The following NRXN3 variants were observed in gnomAD, a reference collection of about 807,000 sequenced individuals.
NRXN3 encodes the protein neurexin 3, also known as neurexin III.
A neutral mutation model predicts 137.6 loss-of-function variants in NRXN3; 32 were observed. The ratio of observed to expected loss-of-function variants is 0.23; its 90% confidence interval spans 0.18 to 0.31. The LOEUF (loss-of-function observed/expected upper bound fraction) is 0.31. NRXN3 is among the 10% of genes least tolerant of loss of function. NRXN3 has a pLI of 1.00. For synonymous variants in NRXN3, 798 were observed against 784.5 expected (o/e 1.02, Z -0.29); for missense variants, 1,574 against 2,062.5 (o/e 0.76, Z 4.59).
In NRXN3 at chr14:78,205,726, G is replaced by T. The variant is rs147792785; in HGVS notation, c.-704+35052G>T. Among the ~76,000 whole-genome samples, 1,075 of 152,310 alleles carry T rather than the reference G, an allele frequency of 7.1e-3. 16 individuals carry two copies. The highest frequency in any genetic ancestry group is 0.034 in the Admixed American group (518 of 15,306). On this transcript the variant is annotated intron_variant, in intron 1 of 20. Transcript: ENST00000335750. ...AGAGGTGGCAGACAGCTGGGAAAGG[G>T]CCTTGCCTGCCAGGCCAGAGTTTGG...
chr14:79,400,234 C>A (rs188963821), intron 15 of NRXN3, among the ~76,000 whole-genome samples: 2 of 152,308 alleles, frequency 1.3e-5, no homozygotes, highest in Non-Finnish European at 2.9e-5. Flanking sequence ...TTATGGGATT[C>A]ATTTTTGGTG....
intron 16 of NRXN3, among the ~76,000 whole-genome samples, chr14:79,577,347 A>G (rs1421763382): frequency 6.6e-6 from 1 of 152,218 alleles, no homozygotes; most frequent in Non-Finnish European, 1.5e-5. Flanking sequence ...TCTTTAGTAT[A>G]ATTAAGATAG....
intron 6 of NRXN3, among the ~76,000 whole-genome samples, chr14:78,667,681 A>G (rs1041992927): frequency 3.3e-5 from 5 of 151,860 alleles, no homozygotes; most frequent in Admixed American, 2.6e-4. Context: ...CAGACATAGG[A>G]AAAAAAACTC....
intron 1 of NRXN3, among the ~76,000 whole-genome samples, chr14:78,241,712 A>G (rs893797617): frequency 1.3e-5 from 2 of 152,016 alleles, no homozygotes; most frequent in African/African-American, 4.8e-5. Context: ...TATTTTCTCT[A>G]CTTTACAAAT....
intron 8 of NRXN3, among the ~76,000 whole-genome samples, chr14:78,761,143 A>G (rs1025089976): frequency 7.2e-5 from 11 of 152,216 alleles, no homozygotes; most frequent in African/African-American, 2.7e-4. Context: ...CAGCTAGAGA[A>G]AAAGACGGAA....
intron 15 of NRXN3, among the ~76,000 whole-genome samples, chr14:79,200,738 T>C (rs1030182460): frequency 6.6e-6 from 1 of 151,888 alleles, no homozygotes; most frequent in Non-Finnish European, 1.5e-5. Context: ...TGTGTCCTGC[T>C]AACCTGTTCT....
chr14:79,259,317 T>C (rs1473699241), intron 15 of NRXN3, among the ~76,000 whole-genome samples: 3 of 152,128 alleles, frequency 2.0e-5, no homozygotes, highest in Non-Finnish European at 2.9e-5. Context: ...GTCTTTCTTC[T>C]AAGCTCTATC....
chr14:79,042,071 G>A (rs566136724), intron 15 of NRXN3, among the ~76,000 whole-genome samples: 4 of 152,278 alleles, frequency 2.6e-5, no homozygotes, highest in Admixed American at 1.3e-4. Context: ...GCCCGGTAGG[G>A]TATTGTTGCA....
At chr14:79,636,500 T>C (rs558710882) in intron 16 of NRXN3, among the ~76,000 whole-genome samples, 3 of 152,322 alleles carry the variant, frequency 2.0e-5, no homozygotes, top group African/African-American at 7.2e-5. Context: ...AGTGTTTAGG[T>C]TGGCCTCTGA....
chr14:79,561,845 C>A (rs2097501031), intron 16 of NRXN3, among the ~76,000 whole-genome samples: 1 of 152,130 alleles, frequency 6.6e-6, no homozygotes, highest in East Asian at 1.9e-4. Context: ...CTTCGAAAGA[C>A]TGAATACTGA....
At chr14:79,076,759 A>G (rs967504022) in intron 15 of NRXN3, among the ~76,000 whole-genome samples, 7 of 152,328 alleles carry the variant, frequency 4.6e-5, no homozygotes, top group Admixed American at 3.9e-4. Flanking sequence ...GAGCCACCTT[A>G]TAGACTGCCT....
intron 10 of NRXN3, among the ~76,000 whole-genome samples, chr14:78,919,686 A>G (rs997129993): frequency 2.0e-5 from 3 of 152,202 alleles, no homozygotes; most frequent in Admixed American, 6.5e-5. Flanking sequence ...AAACAAATTG[A>G]AGATGTTAAG....
chr14:78,367,337 T>C (rs569909808), intron 4 of NRXN3, among the ~76,000 whole-genome samples: 24 of 151,664 alleles, frequency 1.6e-4, no homozygotes, highest in Non-Finnish European at 3.2e-4. Flanking sequence ...CAAGAAAACC[T>C]GCATTGTCCC....
intron 15 of NRXN3, among the ~76,000 whole-genome samples, chr14:79,451,544 A>T (rs2153586729): frequency 6.6e-6 from 1 of 152,322 alleles, no homozygotes; most frequent in Middle Eastern, 3.4e-3. Context: ...CAGTAAGAGG[A>T]TCCCTTAGAG....
At chr14:78,927,703 A>G (rs117524700) in intron 10 of NRXN3, among the ~76,000 whole-genome samples, 3,011 of 152,260 alleles carry the variant, frequency 0.02, 61 homozygotes, top group South Asian at 0.085. Flanking sequence ...TATTGATTTC[A>G]TAGGTACTTT....
At chr14:78,267,408 T>A (rs2153482093) in intron 2 of NRXN3, among the ~76,000 whole-genome samples, 1 of 152,282 alleles carries the variant, frequency 6.6e-6, no homozygotes, top group Non-Finnish European at 1.5e-5. Context: ...AAAAAATTCC[T>A]CAGCTAGGTA....
intron 10 of NRXN3, among the ~76,000 whole-genome samples, chr14:78,820,757 A>G (rs1402723612): frequency 2.0e-5 from 3 of 152,146 alleles, no homozygotes; most frequent in Non-Finnish European, 4.4e-5. Flanking sequence ...ATAATAATCT[A>G]AGTGTCCTTC....
intron 16 of NRXN3, among the ~76,000 whole-genome samples, chr14:79,576,778 G>A (rs879637867): frequency 6.6e-6 from 1 of 152,140 alleles, no homozygotes; most frequent in Admixed American, 6.6e-5. Context: ...AGGAAACTCA[G>A]TGGCATCTCT....
At chr14:78,451,772 G>A (rs1018543754) in intron 4 of NRXN3, among the ~76,000 whole-genome samples, 1 of 152,172 alleles carries the variant, frequency 6.6e-6, no homozygotes, top group Non-Finnish European at 1.5e-5. Context: ...ATGCAGGATG[G>A]CATTTAGATG....
Sources: gnomAD v4.1 joint callset for allele counts (sites outside exome capture counted in the v4.1 genomes callset) on GRCh38, gnomAD v4.1.1 for gene constraint, MANE v1.5 for transcripts, NCBI Gene and HGNC (gene_info 2026-07-23, HGNC 2026-07-21) for gene names.